ACSM3: variants seen among roughly 807,000 people sequenced by gnomAD.
ACSM3 encodes the protein acyl-CoA synthetase medium chain family member 3.
In ACSM3, 61 loss-of-function variants were observed where a neutral mutation model predicts 74.1. The ratio of observed to expected loss-of-function variants is 0.82; its 90% CI spans 0.67 to 1.02. ACSM3 has a LOEUF of 1.02. Ranked by LOEUF, ACSM3 falls within the 50% of genes least tolerant of loss-of-function variation. ACSM3 has a pLI of 0.00. For synonymous variants in ACSM3, 213 were observed against 241.5 expected (o/e 0.88, Z 1.09); for missense variants, 660 against 697.0 (o/e 0.95, Z 0.60).
chr16:20,709,859 A>G (rs905359350), intron 1 of ACSM3, among the ~76,000 whole-genome samples: 1 of 152,214 alleles, frequency 6.6e-6, no homozygotes, highest in African/African-American at 2.4e-5. Flanking sequence ...AGTCTGGGGA[A>G]TATACCTTTG....
chr16:20,735,385 T>G (rs1012088583), intron 1 of ACSM3: 1 of 151,914 alleles, frequency 6.6e-6, no homozygotes, highest in Non-Finnish European at 1.5e-5. Flanking sequence ...TGTTTTTTTT[T>G]TTTTTTAACA....
At chr16:20,685,536 A>G (rs1042014410) in intron 1 of ACSM3, 3 of 853,278 alleles carry the variant, frequency 3.5e-6, no homozygotes, top group Non-Finnish European at 5.7e-6. Flanking sequence ...TAAAACATTT[A>G]TACAGCCAGG....
chr16:20,714,281 T>G (rs1401780119), intron 1 of ACSM3, among the ~76,000 whole-genome samples: 1 of 150,270 alleles, frequency 6.7e-6, no homozygotes, highest in Non-Finnish European at 1.5e-5. Context: ...GAACAAAATA[T>G]GGAGATAGAG....
chr16:20,738,767 G>A (rs1466769), intron 1 of ACSM3: 34,532 of 1,041,546 alleles, frequency 0.033, 698 homozygotes, highest in Non-Finnish European at 0.041. Context: ...TGCTAATACA[G>A]TGTACAGAAG....
intron 1 of ACSM3, among the ~76,000 whole-genome samples, chr16:20,694,200 G>A (rs772685160): frequency 1.2e-4 from 18 of 152,290 alleles, no homozygotes; most frequent in Non-Finnish European, 2.5e-4. Flanking sequence ...AGCCAATCGG[G>A]ACAAATACAG....
chr16:20,729,497 C>A, intron 1 of ACSM3: 1 of 625,066 alleles, frequency 1.6e-6, no homozygotes, highest in Non-Finnish European at 3.0e-6. Context: ...GCTTGCTGAG[C>A]ATCCAGCAGT....
At chr16:20,748,425 G>A (rs2079967611) in intron 1 of ACSM3, among the ~76,000 whole-genome samples, 1 of 152,178 alleles carries the variant, frequency 6.6e-6, no homozygotes, top group African/African-American at 2.4e-5. Flanking sequence ...CACATTGCTA[G>A]TTCTGTGACC....
intron 7 of ACSM3, among the ~76,000 whole-genome samples, chr16:20,783,812 AT>A (rs35116517): frequency 8.1e-5 from 12 of 147,292 alleles, no homozygotes; most frequent in South Asian, 2.1e-4. Flanking sequence ...CCCCGTCTCA[AT>A]TTTTTTTTTT....
chr16:20,725,168 T>G (rs1040370515), intron 1 of ACSM3, among the ~76,000 whole-genome samples: 1 of 152,244 alleles, frequency 6.6e-6, no homozygotes, highest in Non-Finnish European at 1.5e-5. Context: ...AGCATGGTAC[T>G]GGTACCAAAA....
chr16:20,698,858 G>A (rs1352179311), intron 1 of ACSM3: 1 of 152,116 alleles, frequency 6.6e-6, no homozygotes, highest in African/African-American at 2.4e-5. Context: ...CTACCTCCCA[G>A]GGTGTTTTCT....
chr16:20,758,222 CT>C (rs1235937737), intron 3 of ACSM3, among the ~76,000 whole-genome samples: 11 of 152,092 alleles, frequency 7.2e-5, no homozygotes, highest in Non-Finnish European at 1.3e-4. Flanking sequence ...CCAGTTCCTC[CT>C]TGTACCTCTG....
At chr16:20,764,156 A>T (rs1016899212) in intron 1 of ACSM3, 31 bp downstream of exon 1, 3 of 152,202 alleles carry the variant, frequency 2.0e-5, no homozygotes, top group African/African-American at 7.2e-5. Context: ...CCTGTGTAAG[A>T]TTTCCTGAAC....
At position 20,706,005 on chromosome 16, in the gene ACSM3, T is replaced by C. The variant is rs1391601244; in HGVS notation, c.-190+31183T>C. ...AGAAATTTAGCATACTTGAAATTAG[T>C]TCAAAAGGAATTAGCAGTCTTAAGA... On this transcript the variant is annotated intron_variant, in intron 1 of 3. Transcript: ENST00000561584. 2.0e-5 allele frequency among the ~76,000 whole-genome samples: 3 copies of C among 152,110 alleles called. No homozygotes were observed. In the East Asian group the frequency reaches 5.8e-4, roughly 29 times the overall value.
intron 1 of ACSM3, among the ~76,000 whole-genome samples, chr16:20,676,609 GAGA>G (rs1255007248): frequency 2.6e-5 from 4 of 152,184 alleles, no homozygotes; most frequent in African/African-American, 9.7e-5. Context: ...TCAGGAGGCA[GAGA>G]AGAAAGCTGA....
At chr16:20,726,479 C>G (rs991984174) in intron 1 of ACSM3, among the ~76,000 whole-genome samples, 3 of 152,226 alleles carry the variant, frequency 2.0e-5, no homozygotes, top group Admixed American at 6.5e-5. Context: ...GCCTTTGGTC[C>G]TATGTGAGCA....
chr16:20,781,620 T>C (rs1197964422), intron 6 of ACSM3, 88 bp from the exon 7 acceptor site: 3 of 963,182 alleles, frequency 3.1e-6, no homozygotes, highest in Non-Finnish European at 3.4e-6. Flanking sequence ...ACATAAACAA[T>C]GTTTAAATTG....
chr16:20,696,126 A>G (rs1048781698), intron 1 of ACSM3, among the ~76,000 whole-genome samples: 1 of 152,248 alleles, frequency 6.6e-6, no homozygotes, highest in African/African-American at 2.4e-5. Context: ...GCTATAGCAT[A>G]TCGCCTATAT....
intron 1 of ACSM3, chr16:20,729,153 T>C (rs1375295093): frequency 6.8e-6 from 4 of 591,652 alleles, no homozygotes; most frequent in Admixed American, 2.7e-5. Flanking sequence ...ATTTGTAATG[T>C]ACTTGTCACT....
intron 1 of ACSM3, among the ~76,000 whole-genome samples, chr16:20,704,690 A>G (rs1485826625): frequency 6.6e-6 from 1 of 152,250 alleles, no homozygotes; most frequent in Non-Finnish European, 1.5e-5. Flanking sequence ...ACATATTAAG[A>G]GTTCCCAAGA....
Sources: allele counts gnomAD v4.1 joint callset (sites outside exome capture counted in the v4.1 genomes callset), GRCh38; gene constraint gnomAD v4.1.1; transcripts MANE v1.5; gene names NCBI Gene and HGNC (gene_info 2026-07-23, HGNC 2026-07-21).